Variants in PCSK4 observed in about 807,000 individuals in gnomAD.
The protein encoded by PCSK4 is testicular tissue protein Li 135.
A neutral mutation model predicts 80.3 loss-of-function variants in PCSK4; 64 were observed. The observed-to-expected ratio is 0.80, with a 90% CI of 0.65 to 0.98. PCSK4 has a LOEUF of 0.98. Among genes scored for constraint, PCSK4 ranks in the 50% least tolerant of loss-of-function variants. The pLI is 0.00. For missense variants in PCSK4, 1,213 were observed against 1,093.6 expected (o/e 1.11, Z -1.54); for synonymous variants, 561 against 487.6 (o/e 1.15, Z -1.98).
In PCSK4 at chr19:1,487,285, G is replaced by A. The variant is rs146245320; in HGVS notation, c.711C>T (p.Thr237=). The A allele has an allele frequency of 2.5e-5, 40 of 1,598,962 alleles. No homozygotes were observed. In the Middle Eastern group the frequency reaches 8.7e-4, roughly 35 times the overall value. Residue 237 remains threonine, a synonymous_variant, in exon 7 of 15, where the codon ACC becomes ACT. Coordinates refer to ENST00000300954, the Ensembl canonical transcript of PCSK4. ...TCAGCGACTGGGCCTCGATGACATC[G>A]GTGATGGTACCGTCCAGCATCCGTA...
chr19:1,483,795 C>A, intron 10 of PCSK4, 28 bp from the exon 11 acceptor site: 4 of 1,526,658 alleles, frequency 2.6e-6, no homozygotes, highest in Non-Finnish European at 3.5e-6. Flanking sequence ...AGTCACTCGC[C>A]CCGTGGGCCC....
exon 15 of PCSK4, chr19:1,482,125 C>G: frequency 6.4e-7 from 1 of 1,555,618 alleles, no homozygotes; most frequent in Non-Finnish European, 8.6e-7. Context: ...GCCCAGCGGT[C>G]ACCAGCCTTG....
chr19:1,488,034 C>T, exon 4 of PCSK4: 1 of 1,613,410 alleles, frequency 6.2e-7, no homozygotes, highest in Non-Finnish European at 8.5e-7. Context: ...GATGCCCTGG[C>T]CTGACAGCCC....
rs550151145 is a variant in PCSK4 at position 1,482,811 on chromosome 19, T to C, written c.1696+85A>G. 37 of 1,442,676 alleles carry C rather than the reference T, an allele frequency of 2.6e-5. No homozygotes were observed. In the East Asian group the frequency reaches 8.0e-4, roughly 31 times the overall value. 89.4% of individuals were successfully genotyped at this position (1,442,676 alleles called of 1,614,324 possible). On this transcript the variant is annotated intron_variant, in intron 13 of 14. Transcript: ENST00000300954. ...AGGCCACTGGGAACCCCTTTTGCAG[T>C]GCGGTCACCAAGGCTAGCTCCAGAG...
Position 1,482,287 on chromosome 19 carries a change from C to G in PCSK4, c.1819+66G>C. 5.2e-6 allele frequency: 8 copies of G among 1,531,282 alleles called. No individual in the cohort carries two copies. The South Asian group carries it at 8.4e-5, about 16-fold the overall frequency. 94.9% of individuals were successfully genotyped at this position (1,531,282 alleles called of 1,614,324 possible). ...CTCGCCACCCGCCCGCCTGGGGCCA[C>G]ATGCACGCTGCCCACGGTGGCCGCC... On this transcript the variant is annotated intron_variant, in intron 14 of 14. Transcript: ENST00000300954.
At chr19:1,482,278 C>T in intron 14 of PCSK4, 71 bp from the exon 15 acceptor site, 1 of 1,529,820 alleles carries the variant, frequency 6.5e-7, no homozygotes, top group Non-Finnish European at 8.7e-7. Flanking sequence ...ACCCGCCCGC[C>T]TGGGGCCACA....
At chr19:1,488,127 G>C (rs1474817084) in intron 3 of PCSK4, 35 bp from the exon 4 acceptor site, 7 of 1,612,884 alleles carry the variant, frequency 4.3e-6, no homozygotes, top group Non-Finnish European at 5.9e-6. Context: ...CCCTGTGAGG[G>C]CCTGGAGTTG....
intron 6 of PCSK4, 121 bp downstream of exon 6, chr19:1,487,482 G>T: frequency 9.6e-7 from 1 of 1,037,748 alleles, no homozygotes; most frequent in East Asian, 2.6e-5. Flanking sequence ...CTGGAGTCTG[G>T]GGCCCTAGCA....
At chr19:1,487,356 C>G (rs1220244635) in intron 6 of PCSK4, 43 bp from the exon 7 acceptor site, 2 of 1,479,988 alleles carry the variant, frequency 1.4e-6, no homozygotes, top group Middle Eastern at 2.4e-4. Flanking sequence ...CGGCCCTGCC[C>G]TTCCCCACAC....
Position 1,490,313 on chromosome 19 carries a change from G to GTC in PCSK4, c.33_34insGA (p.Leu12AspfsTer73). 11 of 1,493,262 alleles carry GTC rather than the reference G, an allele frequency of 7.4e-6. No individual in the cohort carries two copies. The highest frequency in any genetic ancestry group is 1.0e-5 in the Non-Finnish European group (11 of 1,103,508). 92.5% of individuals were successfully genotyped at this position (1,493,262 alleles called of 1,614,324 possible). On this transcript the variant is annotated frameshift_variant, in exon 1 of 15. Transcript: ENST00000300954. LOFTEE classifies it high-confidence loss of function. Reference sequence around the variant, plus strand: ...CGGACAAGGGCCAGGGCCAAGACCAGGCGCAGCCACAGCGCAATCGGGGCG... The same window carrying GTC: ...CGGACAAGGGCCAGGGCCAAGACCAGTCGCGCAGCCACAGCGCAATCGGGGCG...
At chr19:1,487,292 G>C (rs764551451) in exon 7 of PCSK4, 1 of 1,596,348 alleles carries the variant, frequency 6.3e-7, no homozygotes, top group Non-Finnish European at 8.5e-7. Flanking sequence ...ATCGGTGATG[G>C]TACCGTCCAG....
At position 1,482,883 on chromosome 19, in the gene PCSK4, G is replaced by T; in HGVS notation, c.1696+13C>A. On this transcript the variant is annotated intron_variant, in intron 13 of 14. Transcript: ENST00000300954. ...GCCAAGCCCCGCCCACCACAGCCCC[G>T]CCCCGCCCTCACCCGTGTTGAAATA... The T allele has an allele frequency of 3.0e-6, 2 of 656,728 alleles. No homozygotes were observed. Among genetic ancestry groups the T allele is most frequent in the East Asian group, 9.9e-5 (2 of 20,122 alleles). The allele number at this position is 656,728 out of a possible 1,614,324, so 40.7% of individuals were successfully genotyped here.
Position 1,483,640 on chromosome 19 carries a change from G to A in PCSK4, c.1391+10C>T. 2.5e-6 allele frequency: 4 copies of A among 1,572,574 alleles called. No homozygotes were observed. The highest frequency in any genetic ancestry group is 3.4e-6 in the Non-Finnish European group (4 of 1,162,804). On this transcript the variant is annotated intron_variant, in intron 11 of 14. Transcript: ENST00000300954. ...AGCGGGGATAGCGGAGGGGCGCGCA[G>A]GGGTCTCACGTGGGGCGGCTCTGGA... is the stretch of plus-strand genomic sequence containing the variant.
In PCSK4 at chr19:1,482,773, G is replaced by A. The variant is rs970940792; in HGVS notation, c.1696+123C>T. 5.7e-6 allele frequency: 6 copies of A among 1,061,720 alleles called. No individual in the cohort carries two copies. In the African/African-American group the frequency reaches 9.3e-5, roughly 16 times the overall value. The allele number at this position is 1,061,720 out of a possible 1,614,324, so 65.8% of individuals were successfully genotyped here. A position where few individuals can be genotyped will look rare whatever the true frequency, so the allele number is the denominator to read the frequency against. On this transcript the variant is annotated intron_variant, in intron 13 of 14. Transcript: ENST00000300954. The stretch of plus-strand genomic sequence containing the variant: ...GTGACTGCACGCCTACTGTGTGCAT[G>A]TTCTCTTGGAGAAGGCCACTGGGAA...
chr19:1,488,325 G>C (rs1222307069), intron 2 of PCSK4, 45 bp from the exon 3 acceptor site: 1 of 1,512,066 alleles, frequency 6.6e-7, no homozygotes, highest in African/African-American at 1.4e-5. Flanking sequence ...GCTCGCCCCT[G>C]GGGCCCCTCG....
chr19:1,490,441 C>T, upstream of PCSK4: 1 of 566,186 alleles, frequency 1.8e-6, no homozygotes, highest in Non-Finnish European at 3.0e-6. Flanking sequence ...GGCGCCATAG[C>T]AACGCAGAAG....
At position 1,488,512 on chromosome 19, in the gene PCSK4, G is replaced by A. The variant is rs1380826120; in HGVS notation, c.295-232C>T. ...CTGCCGCGGGTGACTGCAGGTCCCC[G>A]GGTCCCCACCCCACTCTCTCCCCCA... On this transcript the variant is annotated intron_variant, in intron 2 of 14. Transcript: ENST00000300954. Among the ~76,000 whole-genome samples, 13 of 151,836 alleles carry A rather than the reference G, an allele frequency of 8.6e-5. 1 individual carries two copies. The highest frequency in any genetic ancestry group is 3.9e-4 in the East Asian group (2 of 5,152).
chr19:1,488,994 C>A (rs1169634223), intron 2 of PCSK4, among the ~76,000 whole-genome samples: 1 of 152,166 alleles, frequency 6.6e-6, no homozygotes, highest in Non-Finnish European at 1.5e-5. Flanking sequence ...CGAGGGCTTC[C>A]CAGGCTCCAT....
rs116368142 is a variant in PCSK4, at chr19:1,482,106, T to C, written c.1921A>G (p.Thr641Ala). 4,849 of 1,552,268 alleles carry C rather than the reference T, an allele frequency of 3.1e-3. 141 individuals carry two copies. The African/African-American group carries it at 0.06, about 19-fold the overall frequency. Reference sequence around the variant, plus strand: ...CAGACCCTCAGCGCGGGCGCCGCCGTGTGCCCAGGCCCAGCGGTCACCAGC... The same window carrying C: ...CAGACCCTCAGCGCGGGCGCCGCCGCGTGCCCAGGCCCAGCGGTCACCAGC... Residue 641 changes from threonine to alanine, a missense_variant, in exon 15 of 15, where the codon ACG becomes GCG. Transcript: ENST00000300954.
Sources: gnomAD v4.1 joint callset for allele counts (sites outside exome capture counted in the v4.1 genomes callset) on GRCh38, gnomAD v4.1.1 for gene constraint, MANE v1.5 for transcripts, NCBI Gene and HGNC (gene_info 2026-07-23, HGNC 2026-07-21) for gene names.